MINDY3: variants seen among roughly 807,000 people sequenced by gnomAD.
MINDY3 encodes the protein MINDY lysine 48 deubiquitinase 3, also known as ubiquitin carboxyl-terminal hydrolase MINDY-3.
A neutral mutation model predicts 69.2 loss-of-function variants in MINDY3; 38 were observed. That is an observed-to-expected ratio of 0.55 (90% CI 0.42 to 0.72). MINDY3 has a LOEUF of 0.72. Among genes scored for constraint, MINDY3 ranks in the 30% least tolerant of loss-of-function variants. MINDY3 has a pLI of 0.00. For missense variants in MINDY3, 522 were observed against 519.0 expected (o/e 1.01, Z -0.06); for synonymous variants, 192 against 180.1 (o/e 1.07, Z -0.53).
chr10:15,860,334 G>T lies in MINDY3; in HGVS notation c.-35C>A, dbSNP rs1222512877. ...CCGGCGGGCGGATCTTCGCTTTGCG[G>T]ACTCCTGCCCCGGAACATGGGGAAG... On this transcript the variant is annotated 5_prime_UTR_variant, in exon 1 of 15. Coordinates refer to ENST00000277632, the MANE Select transcript of MINDY3 (RefSeq NM_024948.4). 4 of 1,496,614 alleles carry T rather than the reference G, an allele frequency of 2.7e-6. No individual in the cohort carries two copies. Among genetic ancestry groups the T allele is most frequent in the Middle Eastern group, 1.7e-4 (1 of 5,840 alleles). The allele number at this position is 1,496,614 out of a possible 1,614,324, so 92.7% of individuals were successfully genotyped here.
chr10:15,798,022 A>AG (rs1458230507), intron 10 of MINDY3, among the ~76,000 whole-genome samples: 4 of 152,164 alleles, frequency 2.6e-5, no homozygotes, highest in Non-Finnish European at 4.4e-5. Context: ...TTTTATGCAG[A>AG]GGGGAACTTA....
At chr10:15,839,309 G>A (rs1300677303) in intron 4 of MINDY3, among the ~76,000 whole-genome samples, 1 of 151,550 alleles carries the variant, frequency 6.6e-6, no homozygotes, top group African/African-American at 2.4e-5. Context: ...CTTGGTTTAT[G>A]TGGGAAACAA....
At chr10:15,800,603 C>A (rs1442055300) in intron 10 of MINDY3, among the ~76,000 whole-genome samples, 2 of 152,006 alleles carry the variant, frequency 1.3e-5, no homozygotes, top group African/African-American at 2.4e-5. Flanking sequence ...TGAAAAAAAA[C>A]CATGGAACCC....
intron 10 of MINDY3, among the ~76,000 whole-genome samples, chr10:15,812,576 A>G (rs1839079690): frequency 6.6e-6 from 1 of 152,198 alleles, no homozygotes; most frequent in Non-Finnish European, 1.5e-5. Flanking sequence ...AAATTTAAAA[A>G]CTAAGCAGTT....
At chr10:15,831,736 C>A (rs979429035) in intron 8 of MINDY3, among the ~76,000 whole-genome samples, 1 of 145,402 alleles carries the variant, frequency 6.9e-6, no homozygotes, top group African/African-American at 2.6e-5. Flanking sequence ...AGTGCCGTGG[C>A]ATGATCTCAG....
At chr10:15,804,379 A>G (rs926635547) in intron 10 of MINDY3, among the ~76,000 whole-genome samples, 1 of 152,172 alleles carries the variant, frequency 6.6e-6, no homozygotes, top group African/African-American at 2.4e-5. Flanking sequence ...ATGTTGTAAC[A>G]TTAGCCATCC....
At chr10:15,827,893 C>A (rs1840197873) in intron 8 of MINDY3, among the ~76,000 whole-genome samples, 1 of 152,158 alleles carries the variant, frequency 6.6e-6, no homozygotes, top group Non-Finnish European at 1.5e-5. Flanking sequence ...TAAAGATGGA[C>A]AATTCTAAGT....
intron 1 of MINDY3, chr10:15,857,997 A>T (rs1834815972): frequency 1.1e-6 from 1 of 940,844 alleles, no homozygotes; most frequent in South Asian, 4.9e-5. Flanking sequence ...TTGATGTCAC[A>T]TTAGTAATGC....
At chr10:15,821,014 C>A (rs149565708) in intron 9 of MINDY3, among the ~76,000 whole-genome samples, 1 of 152,264 alleles carries the variant, frequency 6.6e-6, no homozygotes, top group Non-Finnish European at 1.5e-5. Flanking sequence ...TGACATCTTA[C>A]GAAGTGCAAG....
At chr10:15,820,428 G>A (rs1433448926) in intron 9 of MINDY3, among the ~76,000 whole-genome samples, 1 of 152,116 alleles carries the variant, frequency 6.6e-6, no homozygotes. Flanking sequence ...CAAGACGCAG[G>A]CATGCGTGCA....
intron 13 of MINDY3, among the ~76,000 whole-genome samples, chr10:15,784,346 A>G (rs1302452155): frequency 1.3e-5 from 2 of 152,178 alleles, no homozygotes; most frequent in African/African-American, 4.8e-5. Flanking sequence ...GTGTTCTTCC[A>G]CAGGACCTAC....
At chr10:15,807,711 G>A (rs974422673) in intron 10 of MINDY3, among the ~76,000 whole-genome samples, 2 of 152,008 alleles carry the variant, frequency 1.3e-5, no homozygotes, top group African/African-American at 4.8e-5. Context: ...GGATACTATT[G>A]TAAGAGAAAA....
At chr10:15,823,349 A>G (rs2132011612) in intron 8 of MINDY3, among the ~76,000 whole-genome samples, 1 of 152,230 alleles carries the variant, frequency 6.6e-6, no homozygotes, top group South Asian at 2.1e-4. Context: ...GATGTTAATT[A>G]CCTTTTTACA....
chr10:15,852,326 A>C (rs1161175610), intron 1 of MINDY3, among the ~76,000 whole-genome samples: 1 of 152,182 alleles, frequency 6.6e-6, no homozygotes, highest in Non-Finnish European at 1.5e-5. Flanking sequence ...TACCAAGTTC[A>C]GTCTCAAAAA....
chr10:15,780,000 A>G (rs1423743458), intron 14 of MINDY3, among the ~76,000 whole-genome samples: 1 of 152,204 alleles, frequency 6.6e-6, no homozygotes, highest in East Asian at 1.9e-4. Flanking sequence ...TTTTGTACCA[A>G]GAGAAATTCT....
chr10:15,797,359 A>C (rs1211626219), intron 10 of MINDY3, among the ~76,000 whole-genome samples: 1 of 152,146 alleles, frequency 6.6e-6, no homozygotes. Context: ...TGTAATGCAC[A>C]GTTGTCTCTC....
intron 2 of MINDY3, among the ~76,000 whole-genome samples, chr10:15,847,260 A>C (rs1833918898): frequency 6.6e-6 from 1 of 152,230 alleles, no homozygotes; most frequent in Non-Finnish European, 1.5e-5. Context: ...TTGAAATTCA[A>C]ACAATGTAAC....
chr10:15,783,818 C>T (rs770266373), intron 13 of MINDY3, among the ~76,000 whole-genome samples: 3 of 152,116 alleles, frequency 2.0e-5, no homozygotes, highest in Admixed American at 6.5e-5. Context: ...TGACTCTTGG[C>T]TATCAGAGTT....
chr10:15,779,251 A>G, intron 14 of MINDY3, 110 bp from the exon 15 acceptor site: 1 of 806,684 alleles, frequency 1.2e-6, no homozygotes, highest in Non-Finnish European at 1.8e-6. Context: ...ATAGTTTCAG[A>G]TGAAACTTGA....
Sources: allele counts gnomAD v4.1 joint callset (sites outside exome capture counted in the v4.1 genomes callset), GRCh38; gene constraint gnomAD v4.1.1; transcripts MANE v1.5; gene names NCBI Gene and HGNC (gene_info 2026-07-23, HGNC 2026-07-21).